The following L3MBTL4 variants were observed in gnomAD, a reference collection of about 807,000 sequenced individuals.
L3MBTL4 encodes the protein L3MBTL histone methyl-lysine binding protein 4.
In L3MBTL4, 70 loss-of-function variants were observed where a neutral mutation model predicts 84.5. The ratio of observed to expected loss-of-function variants is 0.83; its 90% CI spans 0.68 to 1.01. The LOEUF is 1.01. Ranked by LOEUF, L3MBTL4 falls within the 50% of genes least tolerant of loss-of-function variation. The pLI is 0.00. For synonymous variants in L3MBTL4, 274 were observed against 259.8 expected (o/e 1.05, Z -0.52); for missense variants, 715 against 754.8 (o/e 0.95, Z 0.62).
At chr18:6,074,334 C>T (rs1230804561) in intron 16 of L3MBTL4, among the ~76,000 whole-genome samples, 1 of 152,130 alleles carries the variant, frequency 6.6e-6, no homozygotes. Flanking sequence ...TATTTGTTGG[C>T]CAATGCCCTC....
rs1453759027 is a variant in L3MBTL4 at position 6,167,064 on chromosome 18, C to G, written c.1096+4764G>C. ...CTATAAATACCTCTACACAAATAAA[C>G]TAGAAAATCTAGAAGAAATGGATAA... On this transcript the variant is annotated intron_variant, in intron 13 of 18. Coordinates refer to ENST00000317931, the MANE Select transcript of L3MBTL4 (RefSeq NM_001330559.2). Among the ~76,000 whole-genome samples, 28 of 152,174 alleles carry G rather than the reference C, an allele frequency of 1.8e-4. 1 individual carries two copies. Among genetic ancestry groups the G allele is most frequent in the Admixed American group, 1.7e-3 (26 of 15,278 alleles).
At chr18:5,964,882 T>C (rs1312023662) in intron 17 of L3MBTL4, among the ~76,000 whole-genome samples, 3 of 152,184 alleles carry the variant, frequency 2.0e-5, no homozygotes, top group African/African-American at 4.8e-5. Context: ...CATGAACTCA[T>C]CTACTCACTC....
intron 1 of L3MBTL4, among the ~76,000 whole-genome samples, chr18:6,355,820 T>C (rs1269899326): frequency 3.4e-5 from 5 of 149,136 alleles, no homozygotes; most frequent in African/African-American, 9.8e-5. Context: ...CTCATTTGAA[T>C]TACTTTTCTC....
intron 1 of L3MBTL4, chr18:6,394,889 T>C (rs75128536): frequency 6.6e-6 from 1 of 152,178 alleles, no homozygotes; most frequent in Non-Finnish European, 1.5e-5. Context: ...GAAAAGATCA[T>C]TTGCTTGCAG....
At chr18:6,313,368 GTTAATTCCTTTCCCTTTTTCT>G (rs2050930422) in intron 1 of L3MBTL4, among the ~76,000 whole-genome samples, 1 of 152,140 alleles carries the variant, frequency 6.6e-6, no homozygotes, top group African/African-American at 2.4e-5. Flanking sequence ...TGTTTTCAAA[GTTAATTCCTTTCCCTTTTTCT>G]TTAATATACA....
At chr18:6,219,296 A>G (rs940535863) in intron 10 of L3MBTL4, among the ~76,000 whole-genome samples, 2 of 151,946 alleles carry the variant, frequency 1.3e-5, no homozygotes, top group Non-Finnish European at 2.9e-5. Flanking sequence ...CTCAGGACTG[A>G]GATGCTGAGC....
intron 4 of L3MBTL4, among the ~76,000 whole-genome samples, chr18:6,300,266 C>T (rs369547984): frequency 1.4e-4 from 21 of 152,228 alleles, no homozygotes; most frequent in African/African-American, 3.1e-4. Flanking sequence ...CCAATTTGCA[C>T]GACAACTAGC....
chr18:6,054,165 ATGC>A (rs2056931850), intron 16 of L3MBTL4, among the ~76,000 whole-genome samples: 1 of 152,252 alleles, frequency 6.6e-6, no homozygotes, highest in South Asian at 2.1e-4. Flanking sequence ...AGATCTTAGT[ATGC>A]GAAACTGATG....
At chr18:6,330,247 C>A (rs2051958000) in intron 1 of L3MBTL4, among the ~76,000 whole-genome samples, 1 of 152,160 alleles carries the variant, frequency 6.6e-6, no homozygotes, top group Admixed American at 6.5e-5. Flanking sequence ...AACAATTTAC[C>A]CCAACTTGGT....
chr18:6,381,591 A>G (rs928731876), intron 1 of L3MBTL4, among the ~76,000 whole-genome samples: 1 of 152,168 alleles, frequency 6.6e-6, no homozygotes, highest in Non-Finnish European at 1.5e-5. Flanking sequence ...GCACTTATGA[A>G]GCTTAGTTAG....
intron 1 of L3MBTL4, among the ~76,000 whole-genome samples, chr18:6,312,756 A>T (rs2601559): frequency 0.27 from 40,834 of 152,088 alleles, 7,100 homozygotes; most frequent in African/African-American, 0.5. Flanking sequence ...TTTTGTTGAT[A>T]TTTAATTTAC....
intron 14 of L3MBTL4, among the ~76,000 whole-genome samples, chr18:6,119,576 A>G (rs930606862): frequency 6.6e-6 from 1 of 152,134 alleles, no homozygotes; most frequent in African/African-American, 2.4e-5. Flanking sequence ...CAAAATAGGG[A>G]TATCTGCTAT....
At chr18:6,246,771 G>T (rs759954975) in intron 5 of L3MBTL4, among the ~76,000 whole-genome samples, 2 of 152,152 alleles carry the variant, frequency 1.3e-5, no homozygotes, top group Non-Finnish European at 2.9e-5. Context: ...AGGTGTGATG[G>T]TGTGTGCCTG....
At chr18:6,190,992 T>G (rs2045054383) in intron 12 of L3MBTL4, among the ~76,000 whole-genome samples, 1 of 152,062 alleles carries the variant, frequency 6.6e-6, no homozygotes, top group African/African-American at 2.4e-5. Context: ...CGGTAAGAGT[T>G]AAGGTCAGAG....
At chr18:6,347,566 T>A (rs905035761) in intron 1 of L3MBTL4, among the ~76,000 whole-genome samples, 3 of 151,654 alleles carry the variant, frequency 2.0e-5, no homozygotes, top group Non-Finnish European at 4.4e-5. Context: ...GGAAAATATA[T>A]GACTTCAACA....
intron 2 of L3MBTL4, 122 bp from the exon 3 acceptor site, chr18:6,311,778 TAA>T (rs1286271129): frequency 1.6e-6 from 1 of 623,672 alleles, no homozygotes; most frequent in Admixed American, 2.7e-5. Context: ...AATAACCTGA[TAA>T]GTTGACAAAA....
At chr18:6,372,404 C>A (rs1279105939) in intron 1 of L3MBTL4, among the ~76,000 whole-genome samples, 1 of 152,178 alleles carries the variant, frequency 6.6e-6, no homozygotes, top group East Asian at 1.9e-4. Context: ...TGTCCTCTGC[C>A]AGCACCCATG....
chr18:6,301,536 A>T (rs1407554809), intron 4 of L3MBTL4, among the ~76,000 whole-genome samples: 1 of 152,232 alleles, frequency 6.6e-6, no homozygotes, highest in Admixed American at 6.5e-5. Context: ...CTTCAATACA[A>T]TGCAATCATT....
At chr18:6,225,667 G>C (rs1299600025) in intron 10 of L3MBTL4, among the ~76,000 whole-genome samples, 1 of 151,616 alleles carries the variant, frequency 6.6e-6, no homozygotes, top group Non-Finnish European at 1.5e-5. Flanking sequence ...GGCTGAGGTG[G>C]GAGAAGTGCC....
Sources: gnomAD v4.1 joint callset for allele counts (sites outside exome capture counted in the v4.1 genomes callset) on GRCh38, gnomAD v4.1.1 for gene constraint, MANE v1.5 for transcripts, NCBI Gene and HGNC (gene_info 2026-07-23, HGNC 2026-07-21) for gene names.